Variants in NT5DC1 observed in about 807,000 individuals in gnomAD.
The protein encoded by NT5DC1 is 5'-nucleotidase domain containing 1.
Under a neutral mutation model 59.4 loss-of-function variants are expected in NT5DC1, and 42 were observed. The ratio of observed to expected loss-of-function variants is 0.71; its 90% CI spans 0.55 to 0.92. The LOEUF (loss-of-function observed/expected upper bound fraction) is 0.92, where lower values mean the gene tolerates loss of function less well. NT5DC1 is among the 40% of genes least tolerant of loss of function. The pLI, the probability that NT5DC1 is intolerant of heterozygous loss-of-function variation, is 0.00. For missense variants in NT5DC1, 501 were observed against 537.1 expected, an observed-to-expected ratio of 0.93 and a Z score of 0.66; for synonymous variants, 172 against 188.1, an observed-to-expected ratio of 0.91 and a Z score of 0.70.
intron 6 of NT5DC1, among the ~76,000 whole-genome samples, chr6:116,216,709 T>C (rs1330350542): frequency 6.6e-6 from 1 of 152,108 alleles, no homozygotes; most frequent in Non-Finnish European, 1.5e-5. Flanking sequence ...TCTGTTTTAA[T>C]ACATTTTAAT....
chr6:116,113,226 A>C (rs762564052), intron 4 of NT5DC1, among the ~76,000 whole-genome samples: 21 of 152,348 alleles, frequency 1.4e-4, no homozygotes, highest in Middle Eastern at 3.4e-3. Flanking sequence ...CACTCTTAGC[A>C]TCAGTTTTCT....
chr6:116,121,675 A>G (rs1275849391), intron 6 of NT5DC1: 6 of 1,613,748 alleles, frequency 3.7e-6, no homozygotes, highest in East Asian at 4.5e-5. Flanking sequence ...CAGCCGGTCC[A>G]GGGATTCCAG....
At chr6:116,176,516 A>G (rs1020726638) in intron 6 of NT5DC1, among the ~76,000 whole-genome samples, 9 of 152,170 alleles carry the variant, frequency 5.9e-5, no homozygotes, top group African/African-American at 2.2e-4. Context: ...ACATTAGCAG[A>G]AGTTTTCTGC....
intron 6 of NT5DC1, among the ~76,000 whole-genome samples, chr6:116,133,515 T>C (rs1779518195): frequency 6.6e-6 from 1 of 152,152 alleles, no homozygotes; most frequent in Non-Finnish European, 1.5e-5. Flanking sequence ...ATTAAGTACC[T>C]ATAGGGCACC....
chr6:116,198,710 C>T (rs1440761262), intron 6 of NT5DC1, among the ~76,000 whole-genome samples: 1 of 151,914 alleles, frequency 6.6e-6, no homozygotes, highest in Non-Finnish European at 1.5e-5. Flanking sequence ...GCCTGGGCAA[C>T]AGGGGAAGAT....
At chr6:116,187,533 C>G (rs929454476) in intron 6 of NT5DC1, among the ~76,000 whole-genome samples, 4 of 152,066 alleles carry the variant, frequency 2.6e-5, no homozygotes, top group Non-Finnish European at 5.9e-5. Context: ...ACTAGAAGAT[C>G]ACTGAACCGG....
At chr6:116,166,529 G>A (rs1201198061) in intron 6 of NT5DC1, among the ~76,000 whole-genome samples, 1 of 152,210 alleles carries the variant, frequency 6.6e-6, no homozygotes, top group African/African-American at 2.4e-5. Context: ...ATTGCTAGAG[G>A]CTGAGTGTTG....
At chr6:116,212,713 CATCCCAGGATATTCATTTTTTACTGCTAT>C (rs1781604213) in intron 6 of NT5DC1, among the ~76,000 whole-genome samples, 1 of 152,196 alleles carries the variant, frequency 6.6e-6, no homozygotes, top group South Asian at 2.1e-4. Context: ...GGGGAACAAA[CATCCCAGGATATTCATTTTTTACTGCTAT>C]AATCACTCTG....
rs1045688285 is a variant in NT5DC1 at position 116,249,232 on chromosome 6, A to C, written c.*5208A>C. 6.6e-6 allele frequency: 1 copy of C among 152,258 alleles called. No homozygotes were observed. Among genetic ancestry groups the C allele is most frequent in the African/African-American group, 2.4e-5 (1 of 41,472 alleles). The allele number at this position is 152,258 out of a possible 1,614,324, so 9.4% of individuals were successfully genotyped here. ...AAAAATACCTCAGCAAGAAATTGCA[A>C]GTAATAATTGCACCAAGAGTCAGCA... On this transcript the variant is annotated 3_prime_UTR_variant, in exon 12 of 12. Transcript: ENST00000319550.
chr6:116,190,839 A>T (rs1288510399), intron 6 of NT5DC1, among the ~76,000 whole-genome samples: 2 of 152,002 alleles, frequency 1.3e-5, no homozygotes, highest in African/African-American at 4.8e-5. Context: ...GGTGCCAGAG[A>T]CAGGTTCTCA....
At chr6:116,205,385 T>C (rs1781429803) in intron 6 of NT5DC1, among the ~76,000 whole-genome samples, 1 of 151,952 alleles carries the variant, frequency 6.6e-6, no homozygotes, top group Non-Finnish European at 1.5e-5. Flanking sequence ...AATTTGGAAG[T>C]GTTCACATAT....
chr6:116,207,297 AAT>A (rs78506938), intron 6 of NT5DC1, among the ~76,000 whole-genome samples: 47,293 of 151,700 alleles, frequency 0.31, 8,717 homozygotes, highest in African/African-American at 0.51. Context: ...TTTTAAGATC[AAT>A]AGAGTCTATA....
chr6:116,225,816 G>A (rs1000195704), intron 8 of NT5DC1, among the ~76,000 whole-genome samples: 1 of 152,212 alleles, frequency 6.6e-6, no homozygotes, highest in Non-Finnish European at 1.5e-5. Context: ...GAAGATACTG[G>A]AATATGTATA....
chr6:116,130,281 T>C (rs144027320), intron 6 of NT5DC1, among the ~76,000 whole-genome samples: 1 of 151,878 alleles, frequency 6.6e-6, no homozygotes, highest in African/African-American at 2.4e-5. Flanking sequence ...GTGAGGAAAG[T>C]GTGTGTGTTT....
chr6:116,166,244 C>A lies in NT5DC1; in HGVS notation c.529+48299C>A, dbSNP rs535466516. Among the ~76,000 whole-genome samples, 10 of 152,290 alleles carry A rather than the reference C, an allele frequency of 6.6e-5. No individual in the cohort carries two copies. In the South Asian group the frequency reaches 1.7e-3, roughly 25 times the overall value. ...GTCTCCAACAGATCCTGGCTATCTTCCCTAAGCTTTCCATTCAGATCATGA... is the reference window on the plus strand; with the variant it reads ...GTCTCCAACAGATCCTGGCTATCTTACCTAAGCTTTCCATTCAGATCATGA... On this transcript the variant is annotated intron_variant, in intron 6 of 11. Transcript: ENST00000319550.
At position 116,117,879 on chromosome 6, in the gene NT5DC1, A is replaced by G. The variant is rs1358033569; in HGVS notation, c.463A>G (p.Thr155Ala). The G allele has an allele frequency of 1.3e-6, 2 of 1,567,586 alleles. No homozygotes were observed. Among genetic ancestry groups the G allele is most frequent in the East Asian group, 4.5e-5 (2 of 44,586 alleles). Residue 155 changes from threonine (T) to alanine (A), a missense_variant, in exon 6 of 12, where the codon ACA becomes GCA. By Grantham distance (58) the Thr-to-Ala change is moderately conservative (BLOSUM62 0). Coordinates refer to ENST00000319550, the MANE Select transcript of NT5DC1 (RefSeq NM_152729.3). ...TTTTCAGCTGAACAATGGTCAAAAA[A>G]CATTTGATTTTTGGAAGGATATAGT... ...YLTKLNNGQK[T>A]FDFWKDIVAA...
intron 6 of NT5DC1, among the ~76,000 whole-genome samples, chr6:116,178,313 A>C (rs1340440169): frequency 6.6e-6 from 1 of 152,178 alleles, no homozygotes; most frequent in Non-Finnish European, 1.5e-5. Flanking sequence ...CATTGGGCGC[A>C]TTCAGGGTGG....
intron 6 of NT5DC1, among the ~76,000 whole-genome samples, chr6:116,161,849 C>T (rs1168139849): frequency 6.6e-6 from 1 of 152,162 alleles, no homozygotes; most frequent in South Asian, 2.1e-4. Context: ...ATTGATTCTT[C>T]CTGCCCATGA....
chr6:116,151,244 ACT>A (rs1474316060), intron 6 of NT5DC1, among the ~76,000 whole-genome samples: 1 of 152,042 alleles, frequency 6.6e-6, no homozygotes, highest in Non-Finnish European at 1.5e-5. Flanking sequence ...CATTTTAAAG[ACT>A]CTGAGATCAG....
Sources: allele counts gnomAD v4.1 joint callset (sites outside exome capture counted in the v4.1 genomes callset), GRCh38; gene constraint gnomAD v4.1.1; transcripts MANE v1.5; gene names NCBI Gene and HGNC (gene_info 2026-07-23, HGNC 2026-07-21).